SGSH: variants seen among roughly 807,000 people sequenced by gnomAD.
SGSH encodes the protein N-sulfoglucosamine sulfohydrolase, also known as heparan sulfate sulfatase.
In SGSH, 48 loss-of-function variants were observed where a neutral mutation model predicts 51.0. That is an observed-to-expected ratio of 0.94 (90% CI 0.75 to 1.20). The LOEUF (loss-of-function observed/expected upper bound fraction) is 1.20, where lower values mean the gene tolerates loss of function less well. SGSH is among the 50% of genes most tolerant of loss of function. SGSH has a pLI of 0.00. For synonymous variants in SGSH, 321 were observed against 313.4 expected (o/e 1.02, Z -0.26); for missense variants, 662 against 717.8 (o/e 0.92, Z 0.89).
downstream of SGSH, chr17:80,207,077 G>A (rs749868188): frequency 1.9e-6 from 3 of 1,613,328 alleles, no homozygotes; most frequent in East Asian, 4.5e-5. Context: ...AGATGGCAAA[G>A]AAGCTCAAGT....
At chr17:80,201,612 C>T in the SGSH span, 2 of 902,270 alleles carry the variant, frequency 2.2e-6, no homozygotes, top group Non-Finnish European at 3.6e-6. The surrounding 1 kb of genome is among the most constrained non-coding windows in gnomAD (Gnocchi z 5.0). Flanking sequence ...TTTGTTTTGA[C>T]CAAGGCGTGC....
rs748612821 is a variant in SGSH at position 80,210,732 on chromosome 17, T to C, written c.1229A>G (p.Asp410Gly). The change falls in exon 8 of 8, where the codon GAC becomes GGC. Residue 410 changes from aspartate (D) to glycine (G), a missense_variant. Physicochemically the swap from Asp to Gly is moderately conservative, Grantham distance 94. Transcript: ENST00000326317. ...QDFYVSPTFQDLLNRTTAGQP... is the reference protein window; with the variant it reads ...QDFYVSPTFQGLLNRTTAGQP... ...ACCAGCTGTGGTGCGGTTCAGGAGGTCCTGGAAGGTGGGTGAGACGTAGAA... is the reference window on the plus strand; with the variant it reads ...ACCAGCTGTGGTGCGGTTCAGGAGGCCCTGGAAGGTGGGTGAGACGTAGAA... The C allele has an allele frequency of 1.9e-6, 3 of 1,613,702 alleles. No individual in the cohort carries two copies. Among genetic ancestry groups the C allele is most frequent in the Middle Eastern group, 1.6e-4 (1 of 6,084 alleles).
rs111693111 is a variant in SGSH at position 80,209,654 on chromosome 17, A to G, written c.*798T>C. 1.0e-6 allele frequency: 1 copy of G among 981,118 alleles called. No homozygotes were observed. Among genetic ancestry groups the G allele is most frequent in the African/African-American group, 1.8e-5 (1 of 56,328 alleles). The allele number at this position is 981,118 out of a possible 1,614,324, so 60.8% of individuals were successfully genotyped here. A position where few individuals can be genotyped will look rare whatever the true frequency, so the allele number is the denominator to read the frequency against. ...CAACGCCAGTGTCACCGAAGAATTA[A>G]CCCAAGCCAGAGGACGGGCATCACC... On this transcript the variant is annotated 3_prime_UTR_variant, in exon 8 of 8. Coordinates refer to ENST00000326317, the MANE Select transcript of SGSH (RefSeq NM_000199.5).
chr17:80,205,414 TAAG>T (rs2041243424), downstream of SGSH: 13 of 1,405,062 alleles, frequency 9.3e-6, no homozygotes, highest in Admixed American at 1.3e-4. Flanking sequence ...GTGGACATCC[TAAG>T]AAGAGCTTCT....
chr17:80,215,530 C>CA (rs1333641470), intron 2 of SGSH, among the ~76,000 whole-genome samples: 2 of 152,226 alleles, frequency 1.3e-5, no homozygotes, highest in Admixed American at 6.5e-5. Context: ...TTTAAAAACT[C>CA]AGACTGCCGG....
At chr17:80,214,937 G>A (rs1040510174) in intron 3 of SGSH, 96 bp downstream of exon 3, 60 of 1,295,088 alleles carry the variant, frequency 4.6e-5, no homozygotes, top group Middle Eastern at 2.1e-4. Context: ...GGCCACGGGG[G>A]CTGAGCGTGC....
downstream of SGSH, chr17:80,204,897 C>T (rs763141916): frequency 5.6e-6 from 4 of 719,374 alleles, no homozygotes; most frequent in South Asian, 3.9e-5. Flanking sequence ...GTCCTGTGAC[C>T]GCTGAGCCTG....
chr17:80,209,153 C>G (rs371509035), downstream of SGSH: 3 of 253,672 alleles, frequency 1.2e-5, no homozygotes, highest in African/African-American at 6.9e-5. Context: ...GGGGAGGACC[C>G]AGGTCCGCCA....
In SGSH at chr17:80,214,685, G is replaced by C; in HGVS notation, c.436C>G (p.Leu146Val). 4 of 1,613,326 alleles carry C rather than the reference G, an allele frequency of 2.5e-6. No homozygotes were observed. The highest frequency in any genetic ancestry group is 3.4e-6 in the Non-Finnish European group (4 of 1,179,904). ...FAYTEENGSV[L>V]QVGRNITRIK... ...CTAGTGATGTTCCGCCCCACCTGGAGGACGGAGCCATTCTCCTCCGTGTAC... is the reference window on the plus strand; with the variant it reads ...CTAGTGATGTTCCGCCCCACCTGGACGACGGAGCCATTCTCCTCCGTGTAC... The change falls in exon 4 of 8, where the codon CTC (leucine) becomes GTC (valine). Residue 146 changes from leucine (L) to valine (V), a missense_variant. Physicochemically the swap from Leu to Val is conservative, Grantham distance 32. Transcript: ENST00000326317.
Position 80,210,436 on chromosome 17 carries a change from A to C in SGSH, c.*16T>G. The C allele has an allele frequency of 6.3e-7, 1 of 1,582,370 alleles. No homozygotes were observed. Among genetic ancestry groups the C allele is most frequent in the African/African-American group, 1.3e-5 (1 of 74,680 alleles). Reference sequence around the variant, plus strand: ...TGGGACATGCCTGGGATGTGTGCACAGGCCTCCTGGGATGGTCACAGCTCA... The same window carrying C: ...TGGGACATGCCTGGGATGTGTGCACCGGCCTCCTGGGATGGTCACAGCTCA... On this transcript the variant is annotated 3_prime_UTR_variant, in exon 8 of 8. Transcript: ENST00000326317.
At chr17:80,214,142 C>A (rs372194251) in intron 5 of SGSH, 30 bp downstream of exon 5, 4 of 1,591,748 alleles carry the variant, frequency 2.5e-6, no homozygotes, top group East Asian at 2.3e-5. Context: ...GGCTGACGGG[C>A]GTCCTGAAAC....
chr17:80,213,442 T>C lies in SGSH; in HGVS notation c.745+362A>G, dbSNP rs911459925. The C allele has an allele frequency of 6.2e-6, 2 of 322,800 alleles. No homozygotes were observed. The highest frequency in any genetic ancestry group is 4.3e-5 in the African/African-American group (2 of 46,538). 20.0% of individuals were successfully genotyped at this position (322,800 alleles called of 1,614,324 possible). ...CTGTGGGAGTACAAATTTTGGTTGC[T>C]GTAAGCCATCAACCACAAAAAACTC... On this transcript the variant is annotated intron_variant, in intron 6 of 7. Transcript: ENST00000326317. This position sits in a 1 kb window ranked among gnomAD's most constrained non-coding sequence, Gnocchi z 4.6.
chr17:80,216,334 A>C (rs1429920584), intron 2 of SGSH, among the ~76,000 whole-genome samples: 1 of 152,084 alleles, frequency 6.6e-6, no homozygotes, highest in Non-Finnish European at 1.5e-5. Flanking sequence ...AACTCAAAAA[A>C]AAAAAGGACT....
At chr17:80,207,793 CG>C (rs1359333761), downstream of SGSH, 4 of 267,576 alleles carry the variant, frequency 1.5e-5, no homozygotes, top group Admixed American at 2.1e-4. Context: ...GAACCCCACC[CG>C]GCCTCAGCTC....
At chr17:80,202,713 G>A, downstream of SGSH, 1 of 888,008 alleles carries the variant, frequency 1.1e-6, no homozygotes, top group Non-Finnish European at 1.5e-6. Context: ...CGTCTGTGGT[G>A]GGGCCGTCCT....
chr17:80,207,869 A>G (rs1598726902), downstream of SGSH, among the ~76,000 whole-genome samples: 1 of 152,146 alleles, frequency 6.6e-6, no homozygotes, highest in East Asian at 1.9e-4. Context: ...AAGGACAAAA[A>G]AAAAAAAAGT....
intron 1 of SGSH, 74 bp downstream of exon 1, chr17:80,220,152 G>T: frequency 9.0e-7 from 1 of 1,113,254 alleles, no homozygotes; most frequent in South Asian, 1.5e-5. Context: ...CATTGACCAC[G>T]GGTGGGGAGG....
In SGSH at chr17:80,210,656, G is replaced by C. The variant is rs1022503038; in HGVS notation, c.1305C>G (p.Arg435=). 1 of 1,614,060 alleles carries C rather than the reference G, an allele frequency of 6.2e-7. No homozygotes were observed. The highest frequency in any genetic ancestry group is 8.5e-7 in the Non-Finnish European group (1 of 1,180,038). The change falls in exon 8 of 8, where the codon CGC becomes CGG. Residue 435 remains arginine (R), a synonymous_variant. Transcript: ENST00000326317. ...KDLRHYYYRA[R]WELYDRSRDP... is the part of the protein sequence containing the mutation. ...CCCGGCTCCGGTCGTAGAGCTCCCA[G>C]CGCGCCCGGTAGTAGTAATGACGGA...
intron 7 of SGSH, chr17:80,211,794 T>C: frequency 1.9e-6 from 1 of 520,310 alleles, no homozygotes; most frequent in South Asian, 2.0e-5. Context: ...CTGAAGCTCA[T>C]CGGAGGTAGG....
Sources: gnomAD v4.1 joint callset for allele counts (sites outside exome capture counted in the v4.1 genomes callset) on GRCh38, gnomAD v4.1.1 for gene constraint, Gnocchi (gnomAD v3.1) non-coding constraint, MANE v1.5 for transcripts, NCBI Gene and HGNC (gene_info 2026-07-23, HGNC 2026-07-21) for gene names.